The following NCOA1 variants were observed in gnomAD, a reference collection of about 807,000 sequenced individuals.
NCOA1 encodes nuclear receptor coactivator 1, also known as Hin-2 protein.
A neutral mutation model predicts 150.9 loss-of-function variants in NCOA1; 35 were observed. The ratio of observed to expected loss-of-function variants is 0.23; its 90% confidence interval spans 0.18 to 0.31. The LOEUF (loss-of-function observed/expected upper bound fraction) is 0.31, where lower values mean the gene tolerates loss of function less well. Among genes scored for constraint, NCOA1 ranks in the 10% least tolerant of loss-of-function variants. The pLI is 1.00. For missense variants in NCOA1, 1,491 were observed against 1,749.3 expected (o/e 0.85, Z 2.63); for synonymous variants, 590 against 630.0 (o/e 0.94, Z 0.95).
At chr2:24,575,461 T>G (rs1019138087) in intron 2 of NCOA1, among the ~76,000 whole-genome samples, 2 of 152,180 alleles carry the variant, frequency 1.3e-5, no homozygotes, top group Admixed American at 1.3e-4. Context: ...TTATTGATAT[T>G]CTCCTGGTTA....
intron 1 of NCOA1, among the ~76,000 whole-genome samples, chr2:24,532,118 G>T (rs1664926562): frequency 6.6e-6 from 1 of 152,180 alleles, no homozygotes; most frequent in Admixed American, 6.5e-5. Flanking sequence ...TCCAGCATCT[G>T]TTGTTTCCTG....
chr2:24,701,271 A>G (rs183392444), intron 11 of NCOA1, among the ~76,000 whole-genome samples: 219 of 152,232 alleles, frequency 1.4e-3, no homozygotes, highest in Middle Eastern at 3.4e-3. Context: ...TGGGAGGCTG[A>G]GACAGGAGGA....
At chr2:24,655,119 C>T (rs1428738029) in intron 4 of NCOA1, among the ~76,000 whole-genome samples, 1 of 152,162 alleles carries the variant, frequency 6.6e-6, no homozygotes, top group African/African-American at 2.4e-5. Context: ...ATTCACTGCT[C>T]TATCTCTAGT....
intron 8 of NCOA1, among the ~76,000 whole-genome samples, chr2:24,690,222 A>G (rs899851057): frequency 1.3e-5 from 2 of 152,228 alleles, no homozygotes; most frequent in Non-Finnish European, 2.9e-5. Context: ...AGAACTTGCT[A>G]ATAGCAGAAC....
chr2:24,568,807 G>A (rs981241643), intron 2 of NCOA1, among the ~76,000 whole-genome samples: 1 of 152,226 alleles, frequency 6.6e-6, no homozygotes, highest in African/African-American at 2.4e-5. Flanking sequence ...TTACTGTCAT[G>A]TACCCATGCC....
intron 17 of NCOA1, 87 bp from the exon 18 acceptor site, chr2:24,739,345 T>G (rs549213146): frequency 1.0e-6 from 1 of 953,788 alleles, no homozygotes; most frequent in South Asian, 1.4e-5. Flanking sequence ...AACTTTTTAG[T>G]AATCAATAGA....
intron 1 of NCOA1, among the ~76,000 whole-genome samples, chr2:24,505,957 G>GAT (rs1343216407): frequency 6.6e-6 from 1 of 151,726 alleles, no homozygotes; most frequent in Non-Finnish European, 1.5e-5. Flanking sequence ...GGCGGAGACA[G>GAT]ATAGACAGAC....
intron 1 of NCOA1, among the ~76,000 whole-genome samples, chr2:24,553,693 G>A (rs899886008): frequency 6.6e-6 from 1 of 152,104 alleles, no homozygotes; most frequent in African/African-American, 2.4e-5. Flanking sequence ...GATTCATTTG[G>A]TTAAGATATT....
At chr2:24,585,702 T>C (rs1667372242) in intron 3 of NCOA1, among the ~76,000 whole-genome samples, 1 of 152,202 alleles carries the variant, frequency 6.6e-6, no homozygotes, top group South Asian at 2.1e-4. Context: ...TTAGTAAATG[T>C]TTCATTTTTA....
At chr2:24,659,429 CT>C (rs1302686794) in intron 5 of NCOA1, among the ~76,000 whole-genome samples, 2 of 151,996 alleles carry the variant, frequency 1.3e-5, no homozygotes, top group African/African-American at 2.4e-5. Context: ...TAAAAGGAAC[CT>C]AATGCTAAGG....
chr2:24,715,912 G>A (rs992218097), intron 14 of NCOA1, among the ~76,000 whole-genome samples: 9 of 152,148 alleles, frequency 5.9e-5, no homozygotes, highest in African/African-American at 2.2e-4. Flanking sequence ...GGAGGCCGAG[G>A]CAGGCGGATC....
intron 1 of NCOA1, among the ~76,000 whole-genome samples, chr2:24,503,950 G>T (rs1413241095): frequency 6.6e-6 from 1 of 152,020 alleles, no homozygotes; most frequent in Non-Finnish European, 1.5e-5. Flanking sequence ...GGCCAGGCTG[G>T]TCTTGAACTC....
At chr2:24,713,681 G>C (rs766733087) in intron 14 of NCOA1, among the ~76,000 whole-genome samples, 6 of 152,172 alleles carry the variant, frequency 3.9e-5, no homozygotes, top group Non-Finnish European at 5.9e-5. Flanking sequence ...GTGAGACTGT[G>C]ATCTCTCTGA....
At chr2:24,700,144 T>TAATAATA (rs1340649165) in intron 11 of NCOA1, among the ~76,000 whole-genome samples, 2 of 36,160 alleles carry the variant, frequency 5.5e-5, no homozygotes, top group Non-Finnish European at 1.3e-4. Flanking sequence ...ACTTCATCGC[T>TAATAATA]AATAATAATA....
In NCOA1 at chr2:24,674,490, G is replaced by A. The variant is rs549154004; in HGVS notation, c.354+1027G>A. On this transcript the variant is annotated intron_variant, in intron 7 of 22. Coordinates refer to ENST00000348332, the MANE Select transcript of NCOA1 (RefSeq NM_003743.5). The stretch of plus-strand genomic sequence containing the variant: ...CAAAGTGCTGGGATTACAGGCGTGA[G>A]CCACTGCGCCCGGCCTATTTCTCTT... 1.3e-4 allele frequency among the ~76,000 whole-genome samples: 20 copies of A among 152,260 alleles called. No individual in the cohort carries two copies. In the South Asian group the frequency reaches 3.7e-3, roughly 28 times the overall value.
chr2:24,659,721 A>G (rs1671094944), intron 5 of NCOA1, among the ~76,000 whole-genome samples: 1 of 152,120 alleles, frequency 6.6e-6, no homozygotes, highest in African/African-American at 2.4e-5. Context: ...CAAACTCCAC[A>G]CTATTGACAT....
chr2:24,693,218 C>G, intron 9 of NCOA1, 34 bp from the exon 10 acceptor site: 2 of 1,584,226 alleles, frequency 1.3e-6, no homozygotes, highest in South Asian at 2.2e-5. Context: ...TTTCTACTCT[C>G]TATCCTTCAA....
intron 1 of NCOA1, among the ~76,000 whole-genome samples, chr2:24,504,115 A>ATAATGC (rs1663592566): frequency 6.6e-6 from 1 of 151,724 alleles, no homozygotes; most frequent in South Asian, 2.1e-4. Context: ...CAGTGCTTTC[A>ATAATGC]TAATGCTCTA....
intron 14 of NCOA1, among the ~76,000 whole-genome samples, chr2:24,724,320 A>G (rs1464587035): frequency 1.3e-5 from 2 of 152,162 alleles, no homozygotes; most frequent in Non-Finnish European, 2.9e-5. Context: ...TGTCACAGAA[A>G]TGACCAAAAA....
Sources: allele counts gnomAD v4.1 joint callset (sites outside exome capture counted in the v4.1 genomes callset), GRCh38; gene constraint gnomAD v4.1.1; transcripts MANE v1.5; gene names NCBI Gene and HGNC (gene_info 2026-07-23, HGNC 2026-07-21).